SERPINB7: variants seen among roughly 807,000 people sequenced by gnomAD.
SERPINB7 encodes serpin B7.
Under a neutral mutation model 37.4 loss-of-function variants are expected in SERPINB7, and 31 were observed. The observed-to-expected ratio is 0.83, with a 90% CI of 0.62 to 1.12. SERPINB7 has a LOEUF of 1.12. Among genes scored for constraint, SERPINB7 ranks in the 50% most tolerant of loss-of-function variants. SERPINB7 has a pLI of 0.00. For synonymous variants in SERPINB7, 163 were observed against 166.1 expected (o/e 0.98, Z 0.14); for missense variants, 521 against 455.3 (o/e 1.14, Z -1.31).
intron 1 of SERPINB7, among the ~76,000 whole-genome samples, chr18:63,762,642 C>T (rs188619447): frequency 6.6e-5 from 10 of 152,246 alleles, no homozygotes; most frequent in African/African-American, 2.2e-4. Flanking sequence ...GGGGGAGTGA[C>T]GAGAGCAGAA....
chr18:63,804,604 T>A lies in SERPINB7; in HGVS notation c.1112T>A (p.Ile371Asn). Reference protein sequence around the residue: ...FLFVIRKDDIILFSGKVSCP With the variant: ...FLFVIRKDDINLFSGKVSCP ...TTTGTTATCAGGAAGGATGACATCATCTTATTCAGTGGCAAAGTTTCTTGC... is the reference window on the plus strand; with the variant it reads ...TTTGTTATCAGGAAGGATGACATCAACTTATTCAGTGGCAAAGTTTCTTGC... The change falls in exon 8 of 8, where the codon ATC becomes AAC. Residue 371 changes from isoleucine (I) to asparagine (N), a missense_variant. Coordinates refer to ENST00000398019, the MANE Select transcript of SERPINB7 (RefSeq NM_003784.4). The A allele has an allele frequency of 6.2e-7, 1 of 1,611,702 alleles. No homozygotes were observed. The highest frequency in any genetic ancestry group is 8.5e-7 in the Non-Finnish European group (1 of 1,178,660).
chr18:63,783,222 GAGAGAGAGAGAGAA>G lies in SERPINB7; in HGVS notation c.168+686_168+699del, dbSNP rs1422602893. Reference sequence around the variant, plus strand: ...AGAGAGAGAGAGAGAGAGAGAGAGAGAGAGAGAGAGAGAAAGAAAGAAAGAAAGAAAGAAAGAAA... The same window carrying G: ...AGAGAGAGAGAGAGAGAGAGAGAGAGAGAAAGAAAGAAAGAAAGAAAGAAA... On this transcript the variant is annotated intron_variant, in intron 2 of 7. Transcript: ENST00000398019. Among the ~76,000 whole-genome samples the G allele has an allele frequency of 8.1e-3, 541 of 67,050 alleles. 1 individual carries two copies. The highest frequency in any genetic ancestry group is 0.012 in the Admixed American group (70 of 5,678). 44.0% of individuals were successfully genotyped at this position (67,050 alleles called of 152,430 possible).
upstream of SERPINB7, among the ~76,000 whole-genome samples, chr18:63,771,817 T>C (rs2049212903): frequency 6.6e-6 from 1 of 151,962 alleles, no homozygotes; most frequent in Non-Finnish European, 1.5e-5. Context: ...TAAGTCAAGA[T>C]AGTAGCCATA....
chr18:63,771,334 C>A (rs1411496213), upstream of SERPINB7, among the ~76,000 whole-genome samples: 1 of 152,012 alleles, frequency 6.6e-6, no homozygotes, highest in East Asian at 1.9e-4. Context: ...TTTGTGTTTT[C>A]TTTGAATATG....
chr18:63,798,948 C>T (rs938686033), intron 6 of SERPINB7, among the ~76,000 whole-genome samples: 4 of 152,102 alleles, frequency 2.6e-5, no homozygotes, highest in African/African-American at 4.8e-5. Flanking sequence ...CACCACCAAA[C>T]GTGTCTTGTA....
At chr18:63,754,829 G>A (rs1488960027) in intron 1 of SERPINB7, among the ~76,000 whole-genome samples, 1 of 150,862 alleles carries the variant, frequency 6.6e-6, no homozygotes, top group Non-Finnish European at 1.5e-5. Context: ...GGGACAGGCA[G>A]GGAAAATGTC....
intron 1 of SERPINB7, among the ~76,000 whole-genome samples, chr18:63,761,925 C>T (rs533590533): frequency 1.1e-4 from 16 of 152,280 alleles, no homozygotes; most frequent in African/African-American, 3.9e-4. Context: ...GCTGGGGCCA[C>T]CTCTCTGTCT....
chr18:63,771,862 A>G (rs946331400), upstream of SERPINB7, among the ~76,000 whole-genome samples: 2 of 151,760 alleles, frequency 1.3e-5, no homozygotes, highest in Non-Finnish European at 2.9e-5. Context: ...GTTTAAAAGG[A>G]TGTAGTGGGA....
rs538757037 is a variant in SERPINB7, at chr18:63,803,004, C to T, written c.745-1233C>T. On this transcript the variant is annotated intron_variant, in intron 7 of 7. Coordinates refer to ENST00000398019, the MANE Select transcript of SERPINB7 (RefSeq NM_003784.4). Reference sequence around the variant, plus strand: ...AATCTTCATAACAGTCAGATTTTAGCATACAGCAATTAGTTTAACTTGAAA... The same window carrying T: ...AATCTTCATAACAGTCAGATTTTAGTATACAGCAATTAGTTTAACTTGAAA... Among the ~76,000 whole-genome samples the T allele has an allele frequency of 7.2e-5, 11 of 152,192 alleles. No homozygotes were observed. In the South Asian group the frequency reaches 2.3e-3, roughly 32 times the overall value.
At chr18:63,769,299 T>C (rs1296757425) in intron 1 of SERPINB7, among the ~76,000 whole-genome samples, 1 of 152,116 alleles carries the variant, frequency 6.6e-6, no homozygotes, top group Non-Finnish European at 1.5e-5. Flanking sequence ...TTGATTTTTA[T>C]TATTGTATTT....
In SERPINB7 at chr18:63,775,702, G is replaced by GT. The variant is rs1332888650; in HGVS notation, c.-32dup. 3 of 152,138 alleles carry GT rather than the reference G, an allele frequency of 2.0e-5. No individual in the cohort carries two copies. Among genetic ancestry groups the GT allele is most frequent in the Non-Finnish European group, 4.4e-5 (3 of 68,024 alleles). 9.4% of individuals were successfully genotyped at this position (152,138 alleles called of 1,614,324 possible). On this transcript the variant is annotated 5_prime_UTR_variant, in exon 1 of 8. Coordinates refer to ENST00000398019, the MANE Select transcript of SERPINB7 (RefSeq NM_003784.4). ...ACCAGATTCCCATCACTGCTTCTGG[G>GT]TATCAGATGCTAGCGTGAGTACACT...
At chr18:63,753,795 G>T (rs186834843) in intron 1 of SERPINB7, among the ~76,000 whole-genome samples, 104 of 152,264 alleles carry the variant, frequency 6.8e-4, no homozygotes, top group African/African-American at 2.3e-3. Flanking sequence ...AAATTTTTTA[G>T]TAATATGAGG....
intron 2 of SERPINB7, among the ~76,000 whole-genome samples, chr18:63,784,533 C>T (rs1180848262): frequency 6.6e-6 from 1 of 152,032 alleles, no homozygotes; most frequent in Non-Finnish European, 1.5e-5. Context: ...AATATAAAGC[C>T]CTTGAAAAAC....
rs370639333 is a variant in SERPINB7 at position 63,801,523 on chromosome 18, C to T, written c.744+511C>T. On this transcript the variant is annotated intron_variant, in intron 7 of 7. Coordinates refer to ENST00000398019, the MANE Select transcript of SERPINB7 (RefSeq NM_003784.4). ...AAAGAGAGTTTAATTGATGCAAGGCCGACCATGCCACATGGGAGATGAAGT... is the reference window on the plus strand; with the variant it reads ...AAAGAGAGTTTAATTGATGCAAGGCTGACCATGCCACATGGGAGATGAAGT... 1.9e-4 allele frequency among the ~76,000 whole-genome samples: 29 copies of T among 152,272 alleles called. No individual in the cohort carries two copies. In the South Asian group the frequency reaches 4.6e-3, roughly 24 times the overall value.
intron 7 of SERPINB7, among the ~76,000 whole-genome samples, chr18:63,803,351 G>A (rs1337523897): frequency 6.6e-6 from 1 of 152,048 alleles, no homozygotes; most frequent in Non-Finnish European, 1.5e-5. Context: ...ATAAATTTAG[G>A]TCCTTGATAA....
chr18:63,796,530 A>G, intron 5 of SERPINB7, 147 bp downstream of exon 5: 2 of 540,790 alleles, frequency 3.7e-6, no homozygotes, highest in Non-Finnish European at 6.6e-6. Flanking sequence ...TTGCTTTAGT[A>G]TTTGTCTGCA....
chr18:63,767,167 G>GA (rs957857154), intron 1 of SERPINB7, among the ~76,000 whole-genome samples: 14 of 151,026 alleles, frequency 9.3e-5, no homozygotes, highest in Admixed American at 3.3e-4. Context: ...GCAATGGAGA[G>GA]AAAAAAAAAT....
At chr18:63,760,698 C>T (rs985861221) in intron 1 of SERPINB7, among the ~76,000 whole-genome samples, 1 of 152,174 alleles carries the variant, frequency 6.6e-6, no homozygotes, top group African/African-American at 2.4e-5. Flanking sequence ...GCTGCTCCAG[C>T]AGTGGCTGAA....
chr18:63,797,999 C>T (rs1402334049), intron 5 of SERPINB7, among the ~76,000 whole-genome samples: 1 of 152,196 alleles, frequency 6.6e-6, no homozygotes, highest in Non-Finnish European at 1.5e-5. Flanking sequence ...AATCTGTGCT[C>T]CCACAGTGCA....
Sources: allele counts gnomAD v4.1 joint callset (sites outside exome capture counted in the v4.1 genomes callset), GRCh38; gene constraint gnomAD v4.1.1; transcripts MANE v1.5; gene names NCBI Gene and HGNC (gene_info 2026-07-23, HGNC 2026-07-21).